DLG2: variants seen among roughly 807,000 people sequenced by gnomAD.
DLG2 encodes the protein discs large MAGUK scaffold protein 2, also known as disks large homolog 2.
Under a neutral mutation model 132.5 loss-of-function variants are expected in DLG2, and 45 were observed. The observed-to-expected ratio is 0.34, with a 90% confidence interval of 0.27 to 0.44. DLG2 has a LOEUF of 0.44. Among genes scored for constraint, DLG2 ranks in the 20% least tolerant of loss-of-function variants. The pLI is 1.00. For missense variants in DLG2, 1,045 were observed against 1,196.9 expected (o/e 0.87, Z 1.87); for synonymous variants, 424 against 419.6 (o/e 1.01, Z -0.13).
chr11:85,482,588 C>G (rs1019194167), intron 3 of DLG2, among the ~76,000 whole-genome samples: 5 of 152,156 alleles, frequency 3.3e-5, no homozygotes, highest in African/African-American at 1.2e-4. Flanking sequence ...GGTCCTAGAC[C>G]TGTGCCTCTA....
intron 4 of DLG2, among the ~76,000 whole-genome samples, chr11:85,253,246 C>T (rs1426146395): frequency 6.6e-6 from 1 of 152,176 alleles, no homozygotes; most frequent in African/African-American, 2.4e-5. Context: ...AAATTCTACT[C>T]CCAGGTATTT....
chr11:84,957,155 G>A (rs1171530126), intron 6 of DLG2, among the ~76,000 whole-genome samples: 1 of 152,064 alleles, frequency 6.6e-6, no homozygotes, highest in African/African-American at 2.4e-5. Flanking sequence ...AAGATAAAAT[G>A]GTTAAGTACC....
chr11:85,617,236 C>T (rs542861558), intron 2 of DLG2, among the ~76,000 whole-genome samples: 69 of 152,244 alleles, frequency 4.5e-4, no homozygotes, highest in Admixed American at 1.2e-3. Flanking sequence ...TCACTGCTAT[C>T]GATGATGATG....
chr11:83,921,016 T>C (rs551065995), intron 15 of DLG2, among the ~76,000 whole-genome samples: 8 of 152,306 alleles, frequency 5.3e-5, no homozygotes, highest in African/African-American at 1.9e-4. Context: ...CAATATTTAT[T>C]AAGCACATTT....
chr11:84,226,610 GA>G (rs1566988039), intron 8 of DLG2, among the ~76,000 whole-genome samples: 1 of 152,152 alleles, frequency 6.6e-6, no homozygotes, highest in Non-Finnish European at 1.5e-5. Flanking sequence ...TATGTGCCCA[GA>G]AAGTAATTAG....
chr11:85,035,163 T>C (rs1450645505), intron 6 of DLG2, among the ~76,000 whole-genome samples: 1 of 152,196 alleles, frequency 6.6e-6, no homozygotes, highest in Non-Finnish European at 1.5e-5. Flanking sequence ...ACCTAATCTG[T>C]CTAGAATACT....
At chr11:85,361,170 T>C (rs191150053) in intron 3 of DLG2, among the ~76,000 whole-genome samples, 49 of 152,300 alleles carry the variant, frequency 3.2e-4, no homozygotes, top group African/African-American at 1.1e-3. Context: ...CAAACTTTTT[T>C]CTTTAGACAA....
chr11:85,613,002 T>C (rs2081104028), intron 2 of DLG2, among the ~76,000 whole-genome samples: 2 of 152,060 alleles, frequency 1.3e-5, no homozygotes, highest in Admixed American at 1.3e-4. Context: ...TTCTTAGGGG[T>C]AGAGTGTTGT....
At chr11:84,274,333 T>C (rs2097765248) in intron 7 of DLG2, among the ~76,000 whole-genome samples, 2 of 152,088 alleles carry the variant, frequency 1.3e-5, no homozygotes, top group South Asian at 4.1e-4. Flanking sequence ...TAAGGGCTGG[T>C]TGCACAGTCA....
intron 6 of DLG2, among the ~76,000 whole-genome samples, chr11:84,732,824 T>C (rs2063325378): frequency 7.0e-6 from 1 of 143,392 alleles, no homozygotes; most frequent in South Asian, 2.5e-4. Flanking sequence ...CGGTGTGTGA[T>C]GTTCCCCTTC....
intron 25 of DLG2, among the ~76,000 whole-genome samples, chr11:83,467,497 CT>C (rs747463994): frequency 1.6e-4 from 24 of 151,870 alleles, no homozygotes; most frequent in Non-Finnish European, 3.1e-4. Context: ...GGCTGTAATC[CT>C]AGCACTCTAG....
chr11:84,208,777 T>C (rs2096711923), intron 8 of DLG2, among the ~76,000 whole-genome samples: 1 of 152,228 alleles, frequency 6.6e-6, no homozygotes, highest in Admixed American at 6.5e-5. Context: ...GATAAATTTG[T>C]TTATCATAGG....
intron 11 of DLG2, among the ~76,000 whole-genome samples, chr11:84,054,755 A>G (rs887695724): frequency 5.3e-5 from 8 of 152,092 alleles, no homozygotes; most frequent in Non-Finnish European, 1.2e-4. Flanking sequence ...GAAAAACTGT[A>G]AATTTAATTT....
At chr11:85,159,651 T>C (rs1307772366) in intron 4 of DLG2, among the ~76,000 whole-genome samples, 1 of 152,200 alleles carries the variant, frequency 6.6e-6, no homozygotes, top group African/African-American at 2.4e-5. Context: ...GTACCAGATA[T>C]GGTATCATTG....
chr11:84,981,602 T>C (rs2055750074), intron 6 of DLG2, among the ~76,000 whole-genome samples: 1 of 152,158 alleles, frequency 6.6e-6, no homozygotes, highest in African/African-American at 2.4e-5. Flanking sequence ...ACAGCATTCC[T>C]AAAGTCGAGA....
intron 11 of DLG2, among the ~76,000 whole-genome samples, chr11:83,995,035 C>G (rs539064293): frequency 1.4e-5 from 2 of 147,490 alleles, no homozygotes; most frequent in Non-Finnish European, 1.5e-5. Flanking sequence ...TCTACCAGTA[C>G]GACCTCATCT....
At chr11:84,939,033 T>C (rs1171817613) in intron 6 of DLG2, among the ~76,000 whole-genome samples, 1 of 152,072 alleles carries the variant, frequency 6.6e-6, no homozygotes. Context: ...ATTAGAAAGA[T>C]AAATACATAA....
chr11:83,616,321 G>A (rs895295435), intron 19 of DLG2, among the ~76,000 whole-genome samples: 1 of 152,244 alleles, frequency 6.6e-6, no homozygotes, highest in Non-Finnish European at 1.5e-5. Flanking sequence ...ATCTTCCAAT[G>A]TGGTGGTTTA....
intron 4 of DLG2, among the ~76,000 whole-genome samples, chr11:85,168,038 C>T (rs1404501385): frequency 1.3e-5 from 2 of 152,096 alleles, no homozygotes; most frequent in African/African-American, 4.8e-5. Flanking sequence ...TAAAACTAGG[C>T]ACAACCTAGG....
Sources: gnomAD v4.1 joint callset for allele counts (sites outside exome capture counted in the v4.1 genomes callset) on GRCh38, gnomAD v4.1.1 for gene constraint, MANE v1.5 for transcripts, NCBI Gene and HGNC (gene_info 2026-07-23, HGNC 2026-07-21) for gene names.